Variants in ATP8B3 observed in about 807,000 individuals in gnomAD.
ATP8B3 encodes the protein ATPase phospholipid transporting 8B3.
Under a neutral mutation model 140.9 loss-of-function variants are expected in ATP8B3, and 141 were observed. The ratio of observed to expected loss-of-function variants is 1.00; its 90% CI spans 0.87 to 1.15. ATP8B3 has a LOEUF of 1.15. ATP8B3 is among the 50% of genes most tolerant of loss of function. ATP8B3 has a pLI of 0.00. For synonymous variants in ATP8B3, 765 were observed against 714.6 expected, an observed-to-expected ratio of 1.07 and a Z score of -1.13; for missense variants, 1,874 against 1,740.6, an observed-to-expected ratio of 1.08 and a Z score of -1.36.
At chr19:1,791,391 T>A (rs78905124) in intron 20 of ATP8B3, among the ~76,000 whole-genome samples, 5 of 37,556 alleles carry the variant, frequency 1.3e-4, no homozygotes, top group Non-Finnish European at 2.8e-4. Context: ...GTTGCAGCAT[T>A]TTTTTTTTTT....
In ATP8B3 at chr19:1,806,707, G is replaced by A. The variant is rs560776070; in HGVS notation, c.616-18C>T. The A allele has an allele frequency of 9.6e-6, 15 of 1,556,662 alleles. No individual in the cohort carries two copies. In the South Asian group the frequency reaches 1.7e-4, roughly 17 times the overall value. On this transcript the variant is annotated intron_variant, in intron 6 of 28. Coordinates refer to ENST00000310127, the MANE Select transcript of ATP8B3 (RefSeq NM_138813.4). This position sits in a 1 kb window ranked among gnomAD's most constrained non-coding sequence, Gnocchi z 5.6. Reference sequence around the variant, plus strand: ...TGTCTCCCCTGGGCCAGGAGGGAAAGGATCAGAGAGACCGTCCAGCCTCTC... The same window carrying A: ...TGTCTCCCCTGGGCCAGGAGGGAAAAGATCAGAGAGACCGTCCAGCCTCTC...
chr19:1,784,880 T>C lies in ATP8B3; in HGVS notation c.3599A>G (p.Asn1200Ser), dbSNP rs565945224. The change falls in exon 28 of 29, where the codon AAC (asparagine) becomes AGC (serine). Residue 1200 changes from asparagine (N) to serine (S), a missense_variant. By Grantham distance (46) the Asn-to-Ser change is conservative. This residue lies in a region of ATP8B3 where 840 missense variants were observed against 760.9 expected (regional missense o/e 1.10). Coordinates refer to ENST00000310127, the MANE Select transcript of ATP8B3 (RefSeq NM_138813.4). ...TCGGAGGGCCAGGACAGGGAAGGTGTTTATGGACACACTCAGCAGGACCAC... is the reference window on the plus strand; with the variant it reads ...TCGGAGGGCCAGGACAGGGAAGGTGCTTATGGACACACTCAGCAGGACCAC... ...LLVVLLSVSINTFPVLALRVI... is the reference protein window; with the variant it reads ...LLVVLLSVSISTFPVLALRVI... 8 of 1,612,898 alleles carry C rather than the reference T, an allele frequency of 5.0e-6. No homozygotes were observed. Among genetic ancestry groups the C allele is most frequent in the South Asian group, 3.3e-5 (3 of 90,896 alleles).
rs1257355629 is a variant in ATP8B3, at chr19:1,805,789, C to T, written c.821+99G>A. The T allele has an allele frequency of 3.5e-6, 5 of 1,445,302 alleles. No homozygotes were observed. Among genetic ancestry groups the T allele is most frequent in the Non-Finnish European group, 4.8e-6 (5 of 1,046,314 alleles). 89.5% of individuals were successfully genotyped at this position (1,445,302 alleles called of 1,614,324 possible). A position where few individuals can be genotyped will look rare whatever the true frequency, so the allele number is the denominator to read the frequency against. On this transcript the variant is annotated intron_variant, in intron 9 of 28. Coordinates refer to ENST00000310127, the MANE Select transcript of ATP8B3 (RefSeq NM_138813.4). This position sits in a 1 kb window ranked among gnomAD's most constrained non-coding sequence, Gnocchi z 5.2. ...GGGGTGAGTGACCAAAGTCTCTGAG[C>T]GACCTTGGCTGGCCGCCTCCTTGGT...
At chr19:1,792,230 C>A in intron 18 of ATP8B3, 95 bp from the exon 19 acceptor site, 1 of 1,379,672 alleles carries the variant, frequency 7.2e-7, no homozygotes, top group South Asian at 1.5e-5. Context: ...GAGCCTGGGT[C>A]CCCCAACCAA....
intron 2 of ATP8B3, 66 bp downstream of exon 2, chr19:1,811,423 C>T (rs1297510008): frequency 6.5e-7 from 1 of 1,542,424 alleles, no homozygotes; most frequent in Non-Finnish European, 8.7e-7. Context: ...TGCCAGCTCT[C>T]TAGCAGTGCC....
intron 11 of ATP8B3, 40 bp from the exon 12 acceptor site, chr19:1,802,084 C>T: frequency 7.0e-7 from 1 of 1,432,322 alleles, no homozygotes; most frequent in Non-Finnish European, 9.4e-7. Flanking sequence ...CCCACCCACC[C>T]ATCCACCCCT....
At chr19:1,808,844 T>A (rs1047175730) in intron 4 of ATP8B3, among the ~76,000 whole-genome samples, 1 of 152,092 alleles carries the variant, frequency 6.6e-6, no homozygotes, top group Non-Finnish European at 1.5e-5. Context: ...AACCAGTGAT[T>A]TGGTTAGGAC....
At position 1,810,557 on chromosome 19, in the gene ATP8B3, C is replaced by T; in HGVS notation, c.310+65G>A. On this transcript the variant is annotated intron_variant, in intron 3 of 28. Coordinates refer to ENST00000310127, the MANE Select transcript of ATP8B3 (RefSeq NM_138813.4). ...GGGATTACAGGGGAGAGCCACCACG[C>T]CTGGCCAGCCCTGAACTTCATAATC... The T allele has an allele frequency of 1.2e-5, 18 of 1,512,576 alleles. No homozygotes were observed. In the East Asian group the frequency reaches 2.7e-4, roughly 22 times the overall value. 93.7% of individuals were successfully genotyped at this position (1,512,576 alleles called of 1,614,324 possible).
intron 16 of ATP8B3, 109 bp downstream of exon 16, chr19:1,796,602 A>G (rs1203876756): frequency 7.1e-7 from 1 of 1,402,238 alleles, no homozygotes. Context: ...AGCGCCCCCC[A>G]AGCCAGCTGA....
rs1422966013 is a variant in ATP8B3, at chr19:1,794,528, T to C, written c.2055+1347A>G. ...CCCCCAGGCTGGACGCAGAATCCTCTGGCCCTGTAGGGTCAGGGCTGGACC... is the reference window on the plus strand; with the variant it reads ...CCCCCAGGCTGGACGCAGAATCCTCCGGCCCTGTAGGGTCAGGGCTGGACC... On this transcript the variant is annotated intron_variant, in intron 18 of 28. Transcript: ENST00000310127. The surrounding 1 kb of genome is among the most constrained non-coding windows in gnomAD (Gnocchi z 4.8). Among the ~76,000 whole-genome samples, 3 of 151,712 alleles carry C rather than the reference T, an allele frequency of 2.0e-5. No individual in the cohort carries two copies. Among genetic ancestry groups the C allele is most frequent in the African/African-American group, 7.3e-5 (3 of 41,370 alleles).
rs368167119 is a variant in ATP8B3, at chr19:1,794,502, GC to G, written c.2055+1372del. Among the ~76,000 whole-genome samples the G allele has an allele frequency of 2.6e-3, 397 of 151,926 alleles. 2 individuals are homozygous for G. The highest frequency in any genetic ancestry group is 9.3e-3 in the African/African-American group (386 of 41,424). On this transcript the variant is annotated intron_variant, in intron 18 of 28. Coordinates refer to ENST00000310127, the MANE Select transcript of ATP8B3 (RefSeq NM_138813.4). The surrounding 1 kb of genome is among the most constrained non-coding windows in gnomAD (Gnocchi z 4.8). ...GGGGCCCCAGCAGAACCTGTGAGGA[GC>G]CCCCAGGCTGGACGCAGAATCCTCT...
chr19:1,793,249 C>G (rs1326872594), intron 18 of ATP8B3, among the ~76,000 whole-genome samples: 1 of 143,830 alleles, frequency 7.0e-6, no homozygotes, highest in African/African-American at 2.7e-5. Flanking sequence ...TGCCATCACA[C>G]CCGGCTAATT....
intron 14 of ATP8B3, 82 bp downstream of exon 14, chr19:1,799,865 C>T (rs142559494): frequency 4.4e-6 from 6 of 1,354,916 alleles, no homozygotes; most frequent in Middle Eastern, 1.8e-4. Context: ...GGCATGGGGC[C>T]AGACGTGGCT....
intron 19 of ATP8B3, 26 bp from the exon 20 acceptor site, chr19:1,791,887 G>A: frequency 6.2e-7 from 1 of 1,608,634 alleles, no homozygotes; most frequent in Non-Finnish European, 8.5e-7. Context: ...GGCAGGGCGG[G>A]GAAGATGCTG....
In ATP8B3 at chr19:1,785,747, CGGGG is replaced by C; in HGVS notation, c.3154-43_3154-40del. Reference sequence around the variant, plus strand: ...GAAGCTCTTGGGATTGGGTGGGGGGCGGGGGACACCCAACAGAGATCAGGATCTC... The same window carrying C: ...GAAGCTCTTGGGATTGGGTGGGGGGCGACACCCAACAGAGATCAGGATCTC... On this transcript the variant is annotated intron_variant, in intron 25 of 28. Coordinates refer to ENST00000310127, the MANE Select transcript of ATP8B3 (RefSeq NM_138813.4). 6.4e-6 allele frequency: 9 copies of C among 1,416,068 alleles called. No individual in the cohort carries two copies. In the East Asian group the frequency reaches 8.3e-5, roughly 13 times the overall value. The allele number at this position is 1,416,068 out of a possible 1,614,324, so 87.7% of individuals were successfully genotyped here. A position where few individuals can be genotyped will look rare whatever the true frequency, so the allele number is the denominator to read the frequency against.
intron 4 of ATP8B3, among the ~76,000 whole-genome samples, chr19:1,809,342 G>T (rs568538495): frequency 1.3e-5 from 2 of 151,460 alleles, no homozygotes; most frequent in African/African-American, 2.4e-5. Context: ...TTAGTCAGGC[G>T]TGGTGGTGCA....
intron 18 of ATP8B3, among the ~76,000 whole-genome samples, chr19:1,793,277 A>T (rs377239259): frequency 1.6e-4 from 21 of 133,086 alleles, no homozygotes; most frequent in South Asian, 9.4e-4. Context: ...ATATATATAT[A>T]TTTTTTAAAT....
At position 1,809,704 on chromosome 19, in the gene ATP8B3, C is replaced by T. The variant is rs760435851; in HGVS notation, c.341G>A (p.Arg114His). 12 of 1,610,994 alleles carry T rather than the reference C, an allele frequency of 7.4e-6. No homozygotes were observed. The highest frequency in any genetic ancestry group is 5.3e-5 in the African/African-American group (4 of 74,884). Residue 114 changes from arginine to histidine, a missense_variant, in exon 4 of 29, where the codon CGT becomes CAT. Physicochemically the swap from Arg to His is conservative, Grantham distance 29. Transcript: ENST00000310127. ...CTCCTTGAACTGCCCGTTGTAGGCA[C>T]GGTTGTTGGCCTGGACCTTCCAGGT... ...AFTWKVQANNRAYNGQFKEKV... is the reference protein window; with the variant it reads ...AFTWKVQANNHAYNGQFKEKV...
At chr19:1,809,937 T>C (rs2069140284) in intron 3 of ATP8B3, among the ~76,000 whole-genome samples, 2 of 152,142 alleles carry the variant, frequency 1.3e-5, no homozygotes, top group African/African-American at 4.8e-5. Context: ...CCGGCACAAG[T>C]GGATTCCGAG....
Sources: allele counts gnomAD v4.1 joint callset (sites outside exome capture counted in the v4.1 genomes callset), GRCh38; gene constraint gnomAD v4.1.1; regional missense constraint gnomAD v4.1.1; non-coding constraint Gnocchi (gnomAD v3.1); transcripts MANE v1.5; gene names NCBI Gene and HGNC (gene_info 2026-07-23, HGNC 2026-07-21).